Variants in PRKAA2 observed in about 807,000 individuals in gnomAD.
The protein encoded by PRKAA2 is protein kinase AMP-activated catalytic subunit alpha 2, also known as 5'-AMP-activated protein kinase catalytic subunit alpha-2.
Under a neutral mutation model 56.3 loss-of-function variants are expected in PRKAA2, and 40 were observed. That is an observed-to-expected ratio of 0.71 (90% CI 0.55 to 0.92). The LOEUF (loss-of-function observed/expected upper bound fraction) is 0.92. Among genes scored for constraint, PRKAA2 ranks in the 40% least tolerant of loss-of-function variants. The pLI, the probability that PRKAA2 is intolerant of heterozygous loss-of-function variation, is 0.00. For synonymous variants in PRKAA2, 214 were observed against 234.2 expected, an observed-to-expected ratio of 0.91 and a Z score of 0.79; for missense variants, 542 against 686.9, an observed-to-expected ratio of 0.79 and a Z score of 2.36.
intron 2 of PRKAA2, among the ~76,000 whole-genome samples, chr1:56,677,098 A>G (rs2796492): frequency 0.48 from 72,332 of 151,966 alleles, 17,497 homozygotes; most frequent in East Asian, 0.64. Context: ...TGAGCTTGGT[A>G]ACTCACCTTT....
rs1481522688 is a variant in PRKAA2, at chr1:56,645,335, G to T, written c.-53G>T. The T allele has an allele frequency of 2.9e-5, 41 of 1,395,286 alleles. No individual in the cohort carries two copies. In the Admixed American group the frequency reaches 5.3e-4, roughly 18 times the overall value. 86.4% of individuals were successfully genotyped at this position (1,395,286 alleles called of 1,614,324 possible). A position where few individuals can be genotyped will look rare whatever the true frequency, so the allele number is the denominator to read the frequency against. The stretch of plus-strand genomic sequence containing the variant: ...CGCTGCACTGTGGGTAGGCGGCGGC[G>T]GCGGCGGCTACGCGGAGCGGCAGGC... On this transcript the variant is annotated 5_prime_UTR_variant, in exon 1 of 9. Transcript: ENST00000371244.
At chr1:56,660,105 T>C (rs896611307) in intron 1 of PRKAA2, among the ~76,000 whole-genome samples, 2 of 152,200 alleles carry the variant, frequency 1.3e-5, no homozygotes, top group African/African-American at 4.8e-5. Context: ...GAAAATTTCC[T>C]TATTTTTTGT....
chr1:56,646,162 CTGTT>C (rs560086310), intron 1 of PRKAA2, among the ~76,000 whole-genome samples: 56 of 152,212 alleles, frequency 3.7e-4, no homozygotes, highest in African/African-American at 1.3e-3. Context: ...TTGGGGGTGA[CTGTT>C]TGGGGGATGC....
chr1:56,658,818 C>A (rs1013798645), intron 1 of PRKAA2, among the ~76,000 whole-genome samples: 1 of 151,760 alleles, frequency 6.6e-6, no homozygotes, highest in African/African-American at 2.4e-5. Context: ...TGGCTCACTG[C>A]AACCTCTGTC....
intron 1 of PRKAA2, among the ~76,000 whole-genome samples, chr1:56,651,284 T>G (rs11206888): frequency 0.44 from 66,160 of 152,044 alleles, 14,954 homozygotes; most frequent in Middle Eastern, 0.54. Flanking sequence ...AAACATATTT[T>G]CAATACTTCA....
intron 3 of PRKAA2, among the ~76,000 whole-genome samples, chr1:56,691,894 A>G (rs1644230678): frequency 6.6e-6 from 1 of 152,170 alleles, no homozygotes. Context: ...TTGTCTTTTG[A>G]CATGTTGAGC....
At chr1:56,646,761 A>G (rs1646645799) in intron 1 of PRKAA2, among the ~76,000 whole-genome samples, 1 of 152,210 alleles carries the variant, frequency 6.6e-6, no homozygotes, top group African/African-American at 2.4e-5. Flanking sequence ...TTGAATGAGT[A>G]GAAGAGACTC....
At chr1:56,706,313 G>A (rs561789671) in intron 8 of PRKAA2, 95 bp downstream of exon 8, 310 of 1,415,926 alleles carry the variant, frequency 2.2e-4, no homozygotes, top group Non-Finnish European at 2.8e-4. Flanking sequence ...CGGTGGGTAG[G>A]TCCTGCACTG....
At chr1:56,676,234 T>G (rs978572760) in intron 2 of PRKAA2, among the ~76,000 whole-genome samples, 3 of 152,210 alleles carry the variant, frequency 2.0e-5, no homozygotes, top group African/African-American at 4.8e-5. Context: ...GCAGCTGACC[T>G]TAAACTAGGG....
chr1:56,689,936 A>T (rs994054584), intron 2 of PRKAA2, among the ~76,000 whole-genome samples: 8 of 137,688 alleles, frequency 5.8e-5, no homozygotes, highest in African/African-American at 8.0e-5. Context: ...ACACACACAC[A>T]CTCTTAATTT....
chr1:56,706,969 A>G (rs1235957386), intron 8 of PRKAA2, among the ~76,000 whole-genome samples: 1 of 152,194 alleles, frequency 6.6e-6, no homozygotes, highest in African/African-American at 2.4e-5. Flanking sequence ...TGTTGTTATT[A>G]AAACGCAGAT....
In PRKAA2 at chr1:56,706,199, G is replaced by A. The variant is rs776442357; in HGVS notation, c.1401G>A (p.Leu467=). 21 of 1,613,336 alleles carry A rather than the reference G, an allele frequency of 1.3e-5. No homozygotes were observed. Among genetic ancestry groups the A allele is most frequent in the Non-Finnish European group, 1.8e-5 (21 of 1,179,858 alleles). ...TGGTTGATAACAGGAGCTATCTTTT[G>A]GACTTTAAAAGCATTGATGGTAAGG... ...LYLVDNRSYL[L]DFKSIDDEVV... Residue 467 remains leucine, a synonymous_variant, in exon 8 of 9, where the codon TTG becomes TTA. Coordinates refer to ENST00000371244, the MANE Select transcript of PRKAA2 (RefSeq NM_006252.4).
At chr1:56,655,530 T>C (rs899404311) in intron 1 of PRKAA2, among the ~76,000 whole-genome samples, 5 of 151,920 alleles carry the variant, frequency 3.3e-5, no homozygotes, top group Non-Finnish European at 7.4e-5. Flanking sequence ...AAGTATTTGC[T>C]GTGTTTAGTC....
intron 1 of PRKAA2, among the ~76,000 whole-genome samples, chr1:56,653,908 G>T (rs991760065): frequency 2.6e-5 from 4 of 152,048 alleles, no homozygotes; most frequent in African/African-American, 9.7e-5. Context: ...ATATATGTAT[G>T]TATGTATTCC....
chr1:56,690,734 A>G (rs113381808), intron 2 of PRKAA2, among the ~76,000 whole-genome samples: 180 of 152,148 alleles, frequency 1.2e-3, no homozygotes, highest in African/African-American at 3.8e-3. Flanking sequence ...CTGTAGTATC[A>G]TGTTACGTGT....
chr1:56,705,468 G>A (rs967087616), intron 7 of PRKAA2, among the ~76,000 whole-genome samples: 4 of 152,032 alleles, frequency 2.6e-5, no homozygotes, highest in Non-Finnish European at 2.9e-5. Flanking sequence ...GCAGTGGCGC[G>A]ATCTTGGCTC....
At chr1:56,663,340 T>C (rs531064814) in intron 1 of PRKAA2, among the ~76,000 whole-genome samples, 4 of 152,290 alleles carry the variant, frequency 2.6e-5, no homozygotes, top group African/African-American at 9.6e-5. Context: ...CTCTCGCCCC[T>C]GTTTCCCAAA....
intron 2 of PRKAA2, among the ~76,000 whole-genome samples, chr1:56,688,900 ATGT>A (rs1569771449): frequency 6.6e-6 from 1 of 152,302 alleles, no homozygotes; most frequent in East Asian, 1.9e-4. Context: ...TACTCAATAA[ATGT>A]TGTGTCACCA....
chr1:56,701,333 T>C (rs1221202721), intron 6 of PRKAA2, among the ~76,000 whole-genome samples: 4 of 151,992 alleles, frequency 2.6e-5, no homozygotes, highest in Non-Finnish European at 5.9e-5. Flanking sequence ...AGGCAGAGGT[T>C]GCAGTGAGCC....
Sources: gnomAD v4.1 joint callset for allele counts (sites outside exome capture counted in the v4.1 genomes callset) on GRCh38, gnomAD v4.1.1 for gene constraint, MANE v1.5 for transcripts, NCBI Gene and HGNC (gene_info 2026-07-23, HGNC 2026-07-21) for gene names.